Variants in SYNE2 observed in about 807,000 individuals in gnomAD.
SYNE2 encodes the protein spectrin repeat containing nuclear envelope protein 2.
Under a neutral mutation model 856.3 loss-of-function variants are expected in SYNE2, and 431 were observed. The observed-to-expected ratio is 0.50, with a 90% CI of 0.47 to 0.55. The LOEUF is 0.55. Among genes scored for constraint, SYNE2 ranks in the 20% least tolerant of loss-of-function variants. The probability of loss-of-function intolerance (pLI) is 0.00; values close to 1 mark genes in which losing one functional copy is unlikely to be tolerated. For synonymous variants in SYNE2, 2,923 were observed against 2,872.3 expected (o/e 1.02, Z -0.56); for missense variants, 8,129 against 8,023.2 (o/e 1.01, Z -0.50).
Position 64,142,121 on chromosome 14 carries a change from T to C in SYNE2, c.15306+33T>C, listed in dbSNP as rs565023059. 2.2e-5 allele frequency: 35 copies of C among 1,613,222 alleles called. No individual in the cohort carries two copies. The Middle Eastern group carries it at 6.6e-4, about 30-fold the overall frequency. Reference sequence around the variant, plus strand: ...TGCAAAAGGAGCAGAAGTCTTTTCATTGAAACAAGAAGGCTAATCAGAGGG... The same window carrying C: ...TGCAAAAGGAGCAGAAGTCTTTTCACTGAAACAAGAAGGCTAATCAGAGGG... On this transcript the variant is annotated intron_variant, in intron 82 of 115. Coordinates refer to ENST00000555002, the MANE Select transcript of SYNE2 (RefSeq NM_182914.3).
intron 113 of SYNE2, among the ~76,000 whole-genome samples, chr14:64,223,840 C>G (rs543415270): frequency 6.6e-6 from 1 of 152,076 alleles, no homozygotes; most frequent in Non-Finnish European, 1.5e-5. Context: ...CCTAAGCAGC[C>G]AAAACTAGAC....
intron 11 of SYNE2, among the ~76,000 whole-genome samples, chr14:63,968,984 CTG>C (rs1478090843): frequency 6.6e-6 from 1 of 152,160 alleles, no homozygotes; most frequent in Non-Finnish European, 1.5e-5. Context: ...TTTCCCCTTA[CTG>C]CCCTTCCCAG....
chr14:64,143,178 G>T (rs189878862), intron 82 of SYNE2, among the ~76,000 whole-genome samples: 1 of 152,328 alleles, frequency 6.6e-6, no homozygotes, highest in East Asian at 1.9e-4. Flanking sequence ...TCCAAAAGAG[G>T]TGCTAGAACT....
chr14:64,062,115 CA>C (rs1012547639), intron 49 of SYNE2, among the ~76,000 whole-genome samples: 2 of 152,008 alleles, frequency 1.3e-5, no homozygotes, highest in Admixed American at 6.6e-5. Flanking sequence ...TATAAAATAT[CA>C]AATATCCAGC....
At chr14:64,102,141 C>T (rs1044243571) in intron 64 of SYNE2, 99 bp downstream of exon 64, 10 of 835,190 alleles carry the variant, frequency 1.2e-5, no homozygotes, top group East Asian at 5.4e-5. Flanking sequence ...ACCCCTGAGA[C>T]GGACTCGCTC....
chr14:63,836,042 T>C (rs935733479), intron 1 of SYNE2, among the ~76,000 whole-genome samples: 4 of 151,948 alleles, frequency 2.6e-5, no homozygotes, highest in Non-Finnish European at 5.9e-5. Context: ...TAATTTGCAT[T>C]TCTAGTTCCT....
chr14:63,868,157 A>C (rs147602190), intron 1 of SYNE2, among the ~76,000 whole-genome samples: 10 of 152,364 alleles, frequency 6.6e-5, no homozygotes, highest in African/African-American at 2.4e-4. Flanking sequence ...TGAGATGCAC[A>C]AGGTCTTTAA....
At chr14:63,906,207 A>C (rs2095407774) in intron 1 of SYNE2, among the ~76,000 whole-genome samples, 1 of 152,150 alleles carries the variant, frequency 6.6e-6, no homozygotes, top group African/African-American at 2.4e-5. Context: ...TCAGTTTGCT[A>C]GTATTTTGTT....
intron 78 of SYNE2, among the ~76,000 whole-genome samples, chr14:64,135,606 A>C (rs1368443672): frequency 6.6e-6 from 1 of 152,204 alleles, no homozygotes; most frequent in African/African-American, 2.4e-5. Flanking sequence ...TTTAAGGCTT[A>C]TTATTTTAAG....
intron 1 of SYNE2, among the ~76,000 whole-genome samples, chr14:63,844,562 T>C (rs1258118958): frequency 6.6e-6 from 1 of 152,242 alleles, no homozygotes; most frequent in Non-Finnish European, 1.5e-5. Flanking sequence ...AAAGTATTTT[T>C]AAAATGTGCT....
chr14:64,020,193 T>A (rs986584772), intron 35 of SYNE2, 100 bp downstream of exon 35: 48 of 796,708 alleles, frequency 6.0e-5, no homozygotes, highest in Admixed American at 1.2e-4. Context: ...ACCCTGTCTC[T>A]AAAAGAAGAA....
At chr14:63,831,643 C>A (rs1042412728) in intron 1 of SYNE2, among the ~76,000 whole-genome samples, 6 of 149,386 alleles carry the variant, frequency 4.0e-5, no homozygotes, top group Non-Finnish European at 7.4e-5. Flanking sequence ...GAAACCTCCA[C>A]CTCCTGGGTT....
chr14:64,053,753 G>T, intron 48 of SYNE2, 96 bp downstream of exon 48: 1 of 1,268,928 alleles, frequency 7.9e-7, no homozygotes, highest in Non-Finnish European at 1.1e-6. Context: ...GATCACTTGA[G>T]GCCAAGTAGA....
chr14:63,811,048 G>A (rs1333938083), intron 1 of SYNE2, among the ~76,000 whole-genome samples: 1 of 152,074 alleles, frequency 6.6e-6, no homozygotes, highest in African/African-American at 2.4e-5. Flanking sequence ...TGTTAGACAG[G>A]ATGTTCTTGA....
intron 1 of SYNE2, among the ~76,000 whole-genome samples, chr14:63,904,509 A>G (rs112503083): frequency 0.059 from 8,909 of 151,414 alleles, 269 homozygotes; most frequent in Middle Eastern, 0.092. Context: ...AGTAGTAGCC[A>G]TTCTGACTGG....
rs186526485 is a variant in SYNE2 at position 64,223,070 on chromosome 14, G to A, written c.20191-119G>A. 992 of 974,338 alleles carry A rather than the reference G, an allele frequency of 1.0e-3. 1 individual carries two copies. The highest frequency in any genetic ancestry group is 1.5e-3 in the Non-Finnish European group (900 of 615,642). The allele number at this position is 974,338 out of a possible 1,614,324, so 60.4% of individuals were successfully genotyped here. Reference sequence around the variant, plus strand: ...CAGATATGAGAAATAGAGGATTCTCGAGTTGAGTACTACCCATCATTCATT... The same window carrying A: ...CAGATATGAGAAATAGAGGATTCTCAAGTTGAGTACTACCCATCATTCATT... On this transcript the variant is annotated intron_variant, in intron 112 of 115. Transcript: ENST00000555002.
At chr14:64,068,407 T>G (rs1217835363) in intron 51 of SYNE2, among the ~76,000 whole-genome samples, 1 of 152,208 alleles carries the variant, frequency 6.6e-6, no homozygotes, top group African/African-American at 2.4e-5. Flanking sequence ...AGTTTACTTT[T>G]TTTCACTAAG....
At chr14:63,945,093 C>T (rs1452404511) in intron 6 of SYNE2, among the ~76,000 whole-genome samples, 1 of 138,454 alleles carries the variant, frequency 7.2e-6, no homozygotes, top group Non-Finnish European at 1.5e-5. Flanking sequence ...GCATGAGCCA[C>T]CACACCTGGC....
At chr14:63,868,065 A>G (rs1895892336) in intron 1 of SYNE2, among the ~76,000 whole-genome samples, 1 of 152,100 alleles carries the variant, frequency 6.6e-6, no homozygotes. Flanking sequence ...AAAAAAAAGA[A>G]AAAGAAGCTT....
Sources: allele counts gnomAD v4.1 joint callset (sites outside exome capture counted in the v4.1 genomes callset), GRCh38; gene constraint gnomAD v4.1.1; transcripts MANE v1.5; gene names NCBI Gene and HGNC (gene_info 2026-07-23, HGNC 2026-07-21).